The following GARNL3 variants were observed in gnomAD, a reference collection of about 807,000 sequenced individuals.
GARNL3 encodes GTPase activating Rap/RanGAP domain like 3.
Under a neutral mutation model 125.0 loss-of-function variants are expected in GARNL3, and 63 were observed. The ratio of observed to expected loss-of-function variants is 0.50; its 90% CI spans 0.41 to 0.62. GARNL3 has a LOEUF of 0.62. Ranked by LOEUF, GARNL3 falls within the 20% of genes least tolerant of loss-of-function variation. The pLI is 0.00. For synonymous variants in GARNL3, 439 were observed against 457.5 expected, an observed-to-expected ratio of 0.96 and a Z score of 0.52; for missense variants, 994 against 1,244.0, an observed-to-expected ratio of 0.80 and a Z score of 3.02.
At chr9:127,292,370 G>GC (rs1247343944) in intron 2 of GARNL3, among the ~76,000 whole-genome samples, 13 of 152,262 alleles carry the variant, frequency 8.5e-5, no homozygotes, top group African/African-American at 2.9e-4. Flanking sequence ...AAATGGCCTG[G>GC]CCCCTGGGAC....
intron 1 of GARNL3, among the ~76,000 whole-genome samples, chr9:127,267,983 C>T (rs2063739455): frequency 6.6e-6 from 1 of 152,182 alleles, no homozygotes; most frequent in South Asian, 2.1e-4. Context: ...GCTTAGTTCT[C>T]TAGGTTTCCA....
At chr9:127,253,362 A>G (rs986130116) in intron 2 of GARNL3, among the ~76,000 whole-genome samples, 1 of 152,176 alleles carries the variant, frequency 6.6e-6, no homozygotes, top group African/African-American at 2.4e-5. Flanking sequence ...AACTTGTTTT[A>G]TATGGCCCCA....
intron 1 of GARNL3, among the ~76,000 whole-genome samples, chr9:127,268,235 G>A (rs2063744371): frequency 6.6e-6 from 1 of 152,182 alleles, no homozygotes; most frequent in Non-Finnish European, 1.5e-5. Context: ...GATCTCAGCT[G>A]TTTCCCTGCC....
At chr9:127,320,107 T>G (rs1293102290) in intron 5 of GARNL3, among the ~76,000 whole-genome samples, 1 of 152,218 alleles carries the variant, frequency 6.6e-6, no homozygotes, top group African/African-American at 2.4e-5. Context: ...ACTTCTGAGC[T>G]TCAATTTCCT....
intron 1 of GARNL3, among the ~76,000 whole-genome samples, chr9:127,269,785 T>TG (rs1403462413): frequency 8.1e-5 from 7 of 86,592 alleles, no homozygotes; most frequent in Non-Finnish European, 1.3e-4. Flanking sequence ...TTGTTTTTTG[T>TG]GTTTTTTTTT....
At chr9:127,338,217 G>A (rs1829659916) in intron 12 of GARNL3, 56 bp downstream of exon 12, 1 of 1,326,024 alleles carries the variant, frequency 7.5e-7, no homozygotes, top group Admixed American at 1.7e-5. Context: ...TGTTAATTTA[G>A]CATTGATTTT....
upstream of GARNL3, chr9:127,263,594 G>T: frequency 2.8e-6 from 2 of 703,064 alleles, no homozygotes; most frequent in Non-Finnish European, 3.5e-6. Flanking sequence ...ATTTAATACA[G>T]ATTGGAATAG....
At chr9:127,346,099 A>G (rs906953493) in intron 16 of GARNL3, among the ~76,000 whole-genome samples, 1 of 152,244 alleles carries the variant, frequency 6.6e-6, no homozygotes, top group Non-Finnish European at 1.5e-5. Context: ...TTCTTTGGCT[A>G]TTTATCTACA....
chr9:127,378,518 C>CAGAACCCAAGA (rs1832058335), intron 22 of GARNL3, among the ~76,000 whole-genome samples: 1 of 140,100 alleles, frequency 7.1e-6, no homozygotes, highest in African/African-American at 2.7e-5. Context: ...ACCCAGGAGG[C>CAGAACCCAAGA]GGAGGTTGTG....
chr9:127,233,151 G>A (rs977198023), intron 1 of GARNL3, among the ~76,000 whole-genome samples: 52 of 152,236 alleles, frequency 3.4e-4, no homozygotes, highest in African/African-American at 1.2e-3. Flanking sequence ...TAGAGTAGGA[G>A]CTTGAGGCTA....
intron 2 of GARNL3, among the ~76,000 whole-genome samples, chr9:127,295,838 G>T (rs2064573230): frequency 6.6e-6 from 1 of 152,144 alleles, no homozygotes; most frequent in African/African-American, 2.4e-5. Context: ...GGCAGTGGGA[G>T]ATGGTTTCAG....
At chr9:127,231,050 A>ATATATATATAT (rs1161629810) in intron 1 of GARNL3, among the ~76,000 whole-genome samples, 10 of 89,548 alleles carry the variant, frequency 1.1e-4, no homozygotes, top group African/African-American at 5.6e-4. Flanking sequence ...ATATATATAT[A>ATATATATATAT]TTTTTTTTTT....
chr9:127,256,482 T>C (rs1588696012), intron 2 of GARNL3, among the ~76,000 whole-genome samples: 1 of 152,192 alleles, frequency 6.6e-6, no homozygotes, highest in East Asian at 1.9e-4. Flanking sequence ...GCTTGCACAA[T>C]ATTTTTGTTC....
At chr9:127,307,886 A>G (rs924832398) in intron 2 of GARNL3, among the ~76,000 whole-genome samples, 2 of 152,232 alleles carry the variant, frequency 1.3e-5, no homozygotes, top group Non-Finnish European at 2.9e-5. Context: ...CCTTGGGACC[A>G]TGACACCAAC....
chr9:127,246,238 T>C (rs1021179522), intron 2 of GARNL3, among the ~76,000 whole-genome samples: 19 of 152,128 alleles, frequency 1.2e-4, no homozygotes, highest in African/African-American at 4.3e-4. Flanking sequence ...TGGATTTCAG[T>C]AGGATGAGGC....
In GARNL3 at chr9:127,389,126, G is replaced by T. The variant is rs1322774920; in HGVS notation, c.2743+7G>T. The stretch of plus-strand genomic sequence containing the variant: ...ACCCGCAGGGAACTACTGGGTAATG[G>T]TTCTCAATCCTGGTTTCCACTGTCT... On this transcript the variant is annotated splice_region_variant and intron_variant, in intron 26 of 27. Transcript: ENST00000373387. 6.2e-7 allele frequency: 1 copy of T among 1,602,428 alleles called. No homozygotes were observed. Among genetic ancestry groups the T allele is most frequent in the Non-Finnish European group, 8.6e-7 (1 of 1,169,518 alleles).
At chr9:127,316,211 C>T (rs183448597) in intron 4 of GARNL3, among the ~76,000 whole-genome samples, 125 of 152,244 alleles carry the variant, frequency 8.2e-4, no homozygotes, top group Admixed American at 2.0e-3. Flanking sequence ...CTCTGCTGTG[C>T]CACACATTCC....
intron 15 of GARNL3, among the ~76,000 whole-genome samples, chr9:127,345,147 G>T (rs1313740979): frequency 6.6e-6 from 1 of 152,122 alleles, no homozygotes; most frequent in Non-Finnish European, 1.5e-5. Flanking sequence ...CAAGCTCATG[G>T]TTTATAAATC....
intron 1 of GARNL3, among the ~76,000 whole-genome samples, chr9:127,237,144 T>C (rs1207141881): frequency 6.6e-6 from 1 of 152,188 alleles, no homozygotes; most frequent in Non-Finnish European, 1.5e-5. Context: ...TCTGTTCTGC[T>C]GTCTTCAGGA....
Sources: allele counts gnomAD v4.1 joint callset (sites outside exome capture counted in the v4.1 genomes callset), GRCh38; gene constraint gnomAD v4.1.1; transcripts MANE v1.5; gene names NCBI Gene and HGNC (gene_info 2026-07-23, HGNC 2026-07-21).